RAD51B: variants seen among roughly 807,000 people sequenced by gnomAD.
The protein encoded by RAD51B is RAD51 paralog B.
RAD51B carries 38 observed loss-of-function variants against 42.2 expected under a neutral mutation model. That is an observed-to-expected ratio of 0.90 (90% confidence interval 0.70 to 1.18). The LOEUF is 1.18. Ranked by LOEUF, RAD51B falls within the 50% of genes most tolerant of loss-of-function variation. The pLI is 0.00. For missense variants in RAD51B, 373 were observed against 400.7 expected (o/e 0.93, Z 0.59); for synonymous variants, 154 against 145.2 (o/e 1.06, Z -0.43).
At chr14:68,555,974 TCTAAAG>T (rs950351596) in intron 10 of RAD51B, among the ~76,000 whole-genome samples, 3 of 152,236 alleles carry the variant, frequency 2.0e-5, no homozygotes, top group African/African-American at 7.2e-5. Context: ...TGAAAAGAAT[TCTAAAG>T]GTGGATGTGC....
chr14:67,847,180 C>T (rs1235997581), intron 4 of RAD51B, among the ~76,000 whole-genome samples: 1 of 152,152 alleles, frequency 6.6e-6, no homozygotes, highest in Admixed American at 6.5e-5. Flanking sequence ...CTCCAAAGAT[C>T]TCAGAATGTG....
At chr14:68,007,346 A>G (rs767655742) in intron 7 of RAD51B, among the ~76,000 whole-genome samples, 2 of 151,938 alleles carry the variant, frequency 1.3e-5, no homozygotes, top group African/African-American at 2.4e-5. Flanking sequence ...TTTTGTTTGG[A>G]CATGTGCTTT....
chr14:67,961,047 G>A (rs182468885), intron 7 of RAD51B, among the ~76,000 whole-genome samples: 180 of 152,140 alleles, frequency 1.2e-3, no homozygotes, highest in Admixed American at 3.1e-3. Context: ...TCATTCTGTT[G>A]TTCAGGCTGA....
At chr14:68,088,761 G>A (rs1429701606) in intron 7 of RAD51B, among the ~76,000 whole-genome samples, 1 of 152,116 alleles carries the variant, frequency 6.6e-6, no homozygotes, top group African/African-American at 2.4e-5. Flanking sequence ...CTGCATGAGA[G>A]AAGCTTCAGA....
chr14:68,454,758 C>T (rs1022996285), intron 9 of RAD51B, among the ~76,000 whole-genome samples: 1 of 152,192 alleles, frequency 6.6e-6, no homozygotes, highest in African/African-American at 2.4e-5. Flanking sequence ...TCAAAAACAG[C>T]CAGTGGTAAT....
rs534127502 is a variant in RAD51B at position 68,590,637 on chromosome 14, G to A, written c.1037-3848G>A. 3.9e-5 allele frequency among the ~76,000 whole-genome samples: 6 copies of A among 152,246 alleles called. No homozygotes were observed. The South Asian group carries it at 1.2e-3, about 32-fold the overall frequency. On this transcript the variant is annotated intron_variant, in intron 10 of 10. Transcript: ENST00000487270. ...CTGCAGGTATAAATAAATCTACCTG[G>A]AATCTTAAATGTTGATACCACCTGG... is the stretch of plus-strand genomic sequence containing the variant.
downstream of RAD51B, among the ~76,000 whole-genome samples, chr14:68,612,464 G>A (rs1462402752): frequency 6.6e-6 from 1 of 152,164 alleles, no homozygotes; most frequent in Non-Finnish European, 1.5e-5. Context: ...TGGTCCTATG[G>A]GCCAGCTCTG....
chr14:68,549,430 T>TTTTTTTC, intron 10 of RAD51B, among the ~76,000 whole-genome samples: 1 of 109,526 alleles, frequency 9.1e-6, no homozygotes, highest in Non-Finnish European at 2.0e-5. Context: ...TTTTTTTTTT[T>TTTTTTTC]TTTGAGACGG....
intron 7 of RAD51B, among the ~76,000 whole-genome samples, chr14:67,956,416 G>A (rs1203157088): frequency 6.6e-6 from 1 of 152,138 alleles, no homozygotes; most frequent in Non-Finnish European, 1.5e-5. Context: ...GAACCTGGGA[G>A]GTAGAGATTG....
At chr14:68,211,703 A>G (rs2079712563) in intron 7 of RAD51B, among the ~76,000 whole-genome samples, 1 of 152,188 alleles carries the variant, frequency 6.6e-6, no homozygotes, top group East Asian at 1.9e-4. Flanking sequence ...TAGGCCAAAG[A>G]CTGGCCTAGA....
intron 7 of RAD51B, among the ~76,000 whole-genome samples, chr14:68,175,436 G>A (rs1286300747): frequency 1.3e-5 from 2 of 152,140 alleles, no homozygotes; most frequent in Non-Finnish European, 2.9e-5. Context: ...TCTCCCACCC[G>A]TGTTTGGGAT....
intron 9 of RAD51B, among the ~76,000 whole-genome samples, chr14:68,465,951 A>AAAAAAAAAAAT (rs368641918): frequency 1.1e-5 from 1 of 90,458 alleles, no homozygotes; most frequent in African/African-American, 3.3e-5. Context: ...AAAAAAAAAA[A>AAAAAAAAAAAT]AAATAAATAA....
At chr14:68,126,853 G>A (rs990091993) in intron 7 of RAD51B, among the ~76,000 whole-genome samples, 17 of 152,134 alleles carry the variant, frequency 1.1e-4, no homozygotes, top group African/African-American at 2.7e-4. Context: ...GGGTGGATTC[G>A]TTCTACGGAG....
chr14:68,161,071 G>A (rs1413539546), intron 7 of RAD51B, among the ~76,000 whole-genome samples: 1 of 152,092 alleles, frequency 6.6e-6, no homozygotes, highest in Admixed American at 6.6e-5. Flanking sequence ...GGGACTCAAG[G>A]GAAGGAAGCT....
intron 7 of RAD51B, among the ~76,000 whole-genome samples, chr14:68,218,692 G>T (rs1209171988): frequency 6.6e-6 from 1 of 152,116 alleles, no homozygotes; most frequent in Non-Finnish European, 1.5e-5. Flanking sequence ...AAACTGCCCT[G>T]CTTATATCAG....
intron 10 of RAD51B, among the ~76,000 whole-genome samples, chr14:68,555,151 A>G (rs1032964614): frequency 1.3e-5 from 2 of 152,198 alleles, no homozygotes; most frequent in Non-Finnish European, 2.9e-5. Flanking sequence ...CGGCCAAAAA[A>G]ATATTCTTAA....
chr14:67,965,662 GCACACA>G (rs1211270241), intron 7 of RAD51B, among the ~76,000 whole-genome samples: 2 of 151,842 alleles, frequency 1.3e-5, no homozygotes, highest in African/African-American at 4.8e-5. Context: ...ATTGCCAGAC[GCACACA>G]CACATGTACA....
intron 7 of RAD51B, among the ~76,000 whole-genome samples, chr14:68,012,347 G>A (rs2075698129): frequency 6.6e-6 from 1 of 152,024 alleles, no homozygotes. Context: ...CTCACGACTG[G>A]TGCACAGCGT....
At chr14:68,505,842 C>T (rs889948178) in intron 10 of RAD51B, among the ~76,000 whole-genome samples, 16 of 152,286 alleles carry the variant, frequency 1.1e-4, no homozygotes, top group Middle Eastern at 3.4e-3. Flanking sequence ...CGTGAGCGAC[C>T]GCGCCCAGCC....
Sources: gnomAD v4.1 joint callset for allele counts (sites outside exome capture counted in the v4.1 genomes callset) on GRCh38, gnomAD v4.1.1 for gene constraint, MANE v1.5 for transcripts, NCBI Gene and HGNC (gene_info 2026-07-23, HGNC 2026-07-21) for gene names.